The following WDR76 variants were observed in gnomAD, a reference collection of about 807,000 sequenced individuals.
The protein encoded by WDR76 is WD repeat domain 76.
In WDR76, 52 loss-of-function variants were observed where a neutral mutation model predicts 70.2. That is an observed-to-expected ratio of 0.74 (90% CI 0.59 to 0.93). WDR76 has a LOEUF of 0.93. Among genes scored for constraint, WDR76 ranks in the 40% least tolerant of loss-of-function variants. The pLI is 0.00. For synonymous variants in WDR76, 292 were observed against 271.1 expected, an observed-to-expected ratio of 1.08 and a Z score of -0.76; for missense variants, 756 against 760.2, an observed-to-expected ratio of 0.99 and a Z score of 0.07.
At chr15:43,834,241 CAT>C (rs1596067593) in intron 2 of WDR76, among the ~76,000 whole-genome samples, 1 of 150,920 alleles carries the variant, frequency 6.6e-6, no homozygotes, top group African/African-American at 2.4e-5. Flanking sequence ...AAAGTAGAGA[CAT>C]GTACTTACTC....
chr15:43,834,177 T>C (rs1288033117), intron 2 of WDR76, among the ~76,000 whole-genome samples: 1 of 152,176 alleles, frequency 6.6e-6, no homozygotes, highest in African/African-American at 2.4e-5. Flanking sequence ...TACTGCCTTA[T>C]ATCTCAGGGT....
Position 43,867,023 on chromosome 15 carries a change from T to G in WDR76, c.*631T>G, listed in dbSNP as rs2088082158. On this transcript the variant is annotated 3_prime_UTR_variant, in exon 13 of 13. Coordinates refer to ENST00000263795, the MANE Select transcript of WDR76 (RefSeq NM_024908.4). ...AAGTTTTTGTGATCTAATGATACAG[T>G]TTTGATTCTATAGTAATTTGTGGCT... 1 of 152,248 alleles carries G rather than the reference T, an allele frequency of 6.6e-6. No homozygotes were observed. The highest frequency in any genetic ancestry group is 6.5e-5 in the Admixed American group (1 of 15,282). The allele number at this position is 152,248 out of a possible 1,614,324, so 9.4% of individuals were successfully genotyped here.
intron 2 of WDR76, among the ~76,000 whole-genome samples, chr15:43,828,781 G>A (rs1166906122): frequency 6.6e-6 from 1 of 152,128 alleles, no homozygotes; most frequent in Non-Finnish European, 1.5e-5. Flanking sequence ...TTCTATGGTT[G>A]TGTTGAATAA....
At position 43,858,749 on chromosome 15, in the gene WDR76, G is replaced by C; in HGVS notation, c.1488G>C (p.Lys496Asn). Residue 496 changes from lysine (K) to asparagine (N), a missense_variant, in exon 11 of 13, where the codon AAG (lysine) becomes AAC (asparagine). Coordinates refer to ENST00000263795, the MANE Select transcript of WDR76 (RefSeq NM_024908.4). ...TGATTTCTTTGACTGAACATACAAA[G>C]AGCATTGCTTCCGCCTATTTTTCAC... ...QPLISLTEHTKSIASAYFSPL... is the reference protein window; with the variant it reads ...QPLISLTEHTNSIASAYFSPL... 1 of 1,614,178 alleles carries C rather than the reference G, an allele frequency of 6.2e-7. No individual in the cohort carries two copies. Among genetic ancestry groups the C allele is most frequent in the South Asian group, 1.1e-5 (1 of 91,086 alleles).
chr15:43,835,164 CTA>C lies in WDR76; in HGVS notation c.552+16_552+17del. The C allele has an allele frequency of 6.2e-7, 1 of 1,613,266 alleles. No homozygotes were observed. The highest frequency in any genetic ancestry group is 8.5e-7 in the Non-Finnish European group (1 of 1,179,418). On this transcript the variant is annotated intron_variant, in intron 3 of 12. Coordinates refer to ENST00000263795, the MANE Select transcript of WDR76 (RefSeq NM_024908.4). The stretch of plus-strand genomic sequence containing the variant: ...CAGTTGTCTGAGGTTTGTGTGGAGT[CTA>C]TTTAAAAGCAAGATGCAGGGCCGGG...
Position 43,858,745 on chromosome 15 carries a change from C to G in WDR76, c.1484C>G (p.Thr495Arg). 6.2e-7 allele frequency: 1 copy of G among 1,614,148 alleles called. No individual in the cohort carries two copies. The highest frequency in any genetic ancestry group is 8.5e-7 in the Non-Finnish European group (1 of 1,180,024). Residue 495 changes from threonine to arginine, a missense_variant, in exon 11 of 13, where the codon ACA (threonine) becomes AGA (arginine). By Grantham distance (71) the Thr-to-Arg change is moderately conservative. Coordinates refer to ENST00000263795, the MANE Select transcript of WDR76 (RefSeq NM_024908.4). ...SQPLISLTEH[T>R]KSIASAYFSP... ...CCTTTGATTTCTTTGACTGAACATA[C>G]AAAGAGCATTGCTTCCGCCTATTTT...
At chr15:43,857,664 A>C (rs999776957) in intron 10 of WDR76, 1 of 282,176 alleles carries the variant, frequency 3.5e-6, no homozygotes, top group Admixed American at 6.5e-5. Flanking sequence ...TACTAAAAAT[A>C]CAAAAACTAA....
chr15:43,831,637 T>C (rs1379536831), intron 2 of WDR76, among the ~76,000 whole-genome samples: 1 of 152,006 alleles, frequency 6.6e-6, no homozygotes, highest in Non-Finnish European at 1.5e-5. Context: ...AAGGGGTTTC[T>C]CCATGTTGGC....
At chr15:43,843,782 G>A in intron 7 of WDR76, 119 bp from the exon 8 acceptor site, 1 of 888,956 alleles carries the variant, frequency 1.1e-6, no homozygotes, top group Non-Finnish European at 1.6e-6. Flanking sequence ...GTTACCAGGA[G>A]ATTGAATAGT....
At position 43,835,057 on chromosome 15, in the gene WDR76, A is replaced by G. The variant is rs764755814; in HGVS notation, c.463-4A>G. On this transcript the variant is annotated splice_region_variant and splice_polypyrimidine_tract_variant and intron_variant, in intron 2 of 12. Transcript: ENST00000263795. ...AATGGAATCTTTTTGGTGTAATTTT[A>G]TAGGATTTTTCGGGATTGTCACCCT... The G allele has an allele frequency of 1.9e-6, 3 of 1,613,342 alleles. No individual in the cohort carries two copies. Among genetic ancestry groups the G allele is most frequent in the Non-Finnish European group, 2.5e-6 (3 of 1,179,448 alleles).
Position 43,839,670 on chromosome 15 carries a change from C to T in WDR76, c.674C>T (p.Pro225Leu). The T allele has an allele frequency of 6.2e-7, 1 of 1,612,266 alleles. No homozygotes were observed. Among genetic ancestry groups the T allele is most frequent in the Non-Finnish European group, 8.5e-7 (1 of 1,178,880 alleles). ...TCAATGCGATTACTAAAAGTTGATC[C>T]TTCGGGAGTTTCATTACCAGCAGCT... is the stretch of plus-strand genomic sequence containing the variant. The part of the protein sequence containing the change: ...RRSMRLLKVD[P>L]SGVSLPAAPT... The change falls in exon 5 of 13, where the codon CCT becomes CTT. Residue 225 changes from proline to leucine, a missense_variant. By Grantham distance (98) the Pro-to-Leu change is moderately conservative. Transcript: ENST00000263795.
intron 8 of WDR76, among the ~76,000 whole-genome samples, chr15:43,848,871 G>A (rs2087820752): frequency 6.6e-6 from 1 of 151,926 alleles, no homozygotes; most frequent in African/African-American, 2.4e-5. Context: ...CCGGGAGGCA[G>A]AGGTTGCAGT....
chr15:43,843,062 C>G (rs577464438), intron 7 of WDR76, among the ~76,000 whole-genome samples: 1 of 122,996 alleles, frequency 8.1e-6, no homozygotes, highest in African/African-American at 3.2e-5. Flanking sequence ...CTCCCTCTAT[C>G]GCTTAGGCTG....
chr15:43,856,936 A>G lies in WDR76; in HGVS notation c.1192-10A>G. The G allele has an allele frequency of 1.2e-6, 2 of 1,608,390 alleles. No homozygotes were observed. Among genetic ancestry groups the G allele is most frequent in the Non-Finnish European group, 1.7e-6 (2 of 1,177,112 alleles). On this transcript the variant is annotated splice_polypyrimidine_tract_variant and intron_variant, in intron 9 of 12. Coordinates refer to ENST00000263795, the MANE Select transcript of WDR76 (RefSeq NM_024908.4). ...GTGTGATATAAGCTGATTGTTACTT[A>G]TATTCTTAGGTGTATAGAAATGAAA...
intron 1 of WDR76, 126 bp from the exon 2 acceptor site, chr15:43,827,839 C>T: frequency 9.3e-7 from 1 of 1,080,986 alleles, no homozygotes; most frequent in Admixed American, 3.0e-5. Flanking sequence ...GCCACTGCAC[C>T]TGGCCTCAAT....
intron 4 of WDR76, among the ~76,000 whole-genome samples, chr15:43,839,165 C>T (rs1335475897): frequency 2.0e-5 from 3 of 152,056 alleles, no homozygotes; most frequent in Non-Finnish European, 4.4e-5. Flanking sequence ...AGTTTCCTTC[C>T]TATTTTAGAC....
In WDR76 at chr15:43,827,140, T is replaced by A. The variant is rs753835725; in HGVS notation, c.60+48T>A. The A allele has an allele frequency of 3.4e-5, 55 of 1,613,684 alleles. No homozygotes were observed. In the South Asian group the frequency reaches 4.1e-4, roughly 12 times the overall value. ...CAAGGTGTGCTCCTGCCTCGGTTTT[T>A]GTGAGGGTTATGCGGGACACAGGCC... is the stretch of plus-strand genomic sequence containing the variant. On this transcript the variant is annotated intron_variant, in intron 1 of 12. Transcript: ENST00000263795.
At position 43,832,743 on chromosome 15, in the gene WDR76, G is replaced by GTTTTTTTTTTTT. The variant is rs201304087; in HGVS notation, c.463-2302_463-2291dup. Among the ~76,000 whole-genome samples the GTTTTTTTTTTTT allele has an allele frequency of 3.2e-4, 22 of 68,114 alleles. 8 individuals are homozygous for GTTTTTTTTTTTT. In the East Asian group the frequency reaches 3.7e-3, roughly 11 times the overall value. 44.7% of individuals were successfully genotyped at this position (68,114 alleles called of 152,430 possible). A position where few individuals can be genotyped will look rare whatever the true frequency, so the allele number is the denominator to read the frequency against. On this transcript the variant is annotated intron_variant, in intron 2 of 12. Transcript: ENST00000263795. ...TGAGCCATTGCACCCGGCTTGCTTTGTTTTTTTTTTTTTTTTTTTTTTTTT... is the reference window on the plus strand; with the variant it reads ...TGAGCCATTGCACCCGGCTTGCTTTGTTTTTTTTTTTTTTTTTTTTTTTTTTTTTTTTTTTTT...
chr15:43,839,581 A>G (rs374118413), intron 4 of WDR76, 24 bp from the exon 5 acceptor site: 9 of 1,593,316 alleles, frequency 5.6e-6, no homozygotes, highest in Admixed American at 1.8e-5. Context: ...TGAGTATAAC[A>G]TGAGTTTTTC....
Sources: gnomAD v4.1 joint callset for allele counts (sites outside exome capture counted in the v4.1 genomes callset) on GRCh38, gnomAD v4.1.1 for gene constraint, MANE v1.5 for transcripts, NCBI Gene and HGNC (gene_info 2026-07-23, HGNC 2026-07-21) for gene names.